The following BDH1 variants were observed in gnomAD, a reference collection of about 807,000 sequenced individuals.
The protein encoded by BDH1 is D-beta-hydroxybutyrate dehydrogenase, mitochondrial.
BDH1 carries 30 observed loss-of-function variants against 33.1 expected under a neutral mutation model. That is an observed-to-expected ratio of 0.91 (90% CI 0.68 to 1.23). The LOEUF (loss-of-function observed/expected upper bound fraction) is 1.23. Among genes scored for constraint, BDH1 ranks in the 50% most tolerant of loss-of-function variants. The pLI, the probability that BDH1 is intolerant of heterozygous loss-of-function variation, is 0.00. For synonymous variants in BDH1, 190 were observed against 183.6 expected (o/e 1.03, Z -0.28); for missense variants, 443 against 464.4 (o/e 0.95, Z 0.42).
Position 197,554,949 on chromosome 3 carries a change from C to T in BDH1, c.-195-236G>A, listed in dbSNP as rs1212463246. Among the ~76,000 whole-genome samples, 1 of 152,256 alleles carries T rather than the reference C, an allele frequency of 6.6e-6. No homozygotes were observed. The stretch of plus-strand genomic sequence containing the variant: ...GCGCAGCCAATCCCAGAGCAGCGCT[C>T]CCCAACGGCCGGCCGGAGGGCGGGG... On this transcript the variant is annotated intron_variant, in intron 1 of 7. Transcript: ENST00000392379. The surrounding 1 kb of genome is among the most constrained non-coding windows in gnomAD (Gnocchi z 4.4).
Position 197,514,469 on chromosome 3 carries a change from T to C in BDH1, c.410-53A>G. ...TTACCACATGGGCTTGGCCCAGACATTGCCCATCAGCCTGCAGGCCAGCCT... is the reference window on the plus strand; with the variant it reads ...TTACCACATGGGCTTGGCCCAGACACTGCCCATCAGCCTGCAGGCCAGCCT... On this transcript the variant is annotated intron_variant, in intron 6 of 7. Transcript: ENST00000392379. This position sits in a 1 kb window ranked among gnomAD's most constrained non-coding sequence, Gnocchi z 4.2. The C allele has an allele frequency of 1.3e-6, 2 of 1,497,398 alleles. No individual in the cohort carries two copies. The highest frequency in any genetic ancestry group is 1.8e-6 in the Non-Finnish European group (2 of 1,116,526). The allele number at this position is 1,497,398 out of a possible 1,614,324, so 92.8% of individuals were successfully genotyped here.
In BDH1 at chr3:197,526,813, C is replaced by T. The variant is rs1048507543; in HGVS notation, c.268-4032G>A. 6.6e-6 allele frequency among the ~76,000 whole-genome samples: 1 copy of T among 152,226 alleles called. No individual in the cohort carries two copies. The highest frequency in any genetic ancestry group is 1.5e-5 in the Non-Finnish European group (1 of 68,034). ...GGGCCTTTAGACTTCTTCTGGTGGA[C>T]ATTAGCATCACACTCTGTGGCCTCC... On this transcript the variant is annotated intron_variant, in intron 5 of 7. Coordinates refer to ENST00000392379, the MANE Select transcript of BDH1 (RefSeq NM_203314.3). This position sits in a 1 kb window ranked among gnomAD's most constrained non-coding sequence, Gnocchi z 4.7.
intron 3 of BDH1, chr3:197,543,235 C>T (rs764394427): frequency 3.6e-5 from 34 of 956,150 alleles, no homozygotes; most frequent in Middle Eastern, 5.3e-4. Flanking sequence ...TATGGCCTCA[C>T]GGCAGCATCT....
At chr3:197,542,004 C>T (rs1200381248) in intron 3 of BDH1, among the ~76,000 whole-genome samples, 1 of 152,218 alleles carries the variant, frequency 6.6e-6, no homozygotes, top group African/African-American at 2.4e-5. Context: ...GTGCGCCCAA[C>T]GCTTTCCAGA....
Position 197,543,150 on chromosome 3 carries a change from T to G in BDH1, c.83+3211A>C, listed in dbSNP as rs1249729898. Reference sequence around the variant, plus strand: ...CCCAGCTTTCTGCTGAGAGGAGCCATGAGTCCATTTGAATCTAACAAGACG... The same window carrying G: ...CCCAGCTTTCTGCTGAGAGGAGCCAGGAGTCCATTTGAATCTAACAAGACG... On this transcript the variant is annotated intron_variant, in intron 3 of 7. Transcript: ENST00000392379. The G allele has an allele frequency of 6.1e-6, 6 of 985,292 alleles. No homozygotes were observed. In the Admixed American group the frequency reaches 2.5e-4, roughly 40 times the overall value. The allele number at this position is 985,292 out of a possible 1,614,324, so 61.0% of individuals were successfully genotyped here.
intron 1 of BDH1, among the ~76,000 whole-genome samples, chr3:197,569,719 T>C (rs1717547216): frequency 1.3e-5 from 2 of 152,230 alleles, no homozygotes; most frequent in South Asian, 4.1e-4. Context: ...TTTTGCCTTC[T>C]GCCATGATTG....
At chr3:197,571,851 C>T (rs1195681190) in intron 1 of BDH1, among the ~76,000 whole-genome samples, 3 of 152,144 alleles carry the variant, frequency 2.0e-5, no homozygotes, top group African/African-American at 7.2e-5. Flanking sequence ...TCACTTGACC[C>T]TAGGAGTTCA....
chr3:197,544,864 T>C (rs185090018), intron 3 of BDH1, among the ~76,000 whole-genome samples: 3 of 152,328 alleles, frequency 2.0e-5, no homozygotes, highest in Admixed American at 2.0e-4. Flanking sequence ...CTGGCCAACA[T>C]GGCAAAACCC....
In BDH1 at chr3:197,538,290, T is replaced by C. The variant is rs111725286; in HGVS notation, c.84-4729A>G. ...GCAGGTGGTAACAGGGGAAAAGAGA[T>C]GGGAGATAGACTTACCTTTTCTGTA... On this transcript the variant is annotated intron_variant, in intron 3 of 7. Transcript: ENST00000392379. 4.6e-3 allele frequency: 2,101 copies of C among 456,738 alleles called. 44 individuals carry two copies. Among genetic ancestry groups the C allele is most frequent in the African/African-American group, 0.038 (1,923 of 50,164 alleles). 28.3% of individuals were successfully genotyped at this position (456,738 alleles called of 1,614,324 possible).
intron 1 of BDH1, among the ~76,000 whole-genome samples, chr3:197,566,108 G>C (rs1004411911): frequency 1.3e-5 from 2 of 152,174 alleles, no homozygotes; most frequent in African/African-American, 4.8e-5. Context: ...ATTTGTTTCT[G>C]TCAACCTGAT....
Position 197,523,001 on chromosome 3 carries a change from A to C in BDH1, c.268-220T>G. ...GCTATGTGCCACAGACACAACCATG[A>C]ATAGGATGAAGAGCCGGCCCCCAAG... is the stretch of plus-strand genomic sequence containing the variant. On this transcript the variant is annotated intron_variant, in intron 5 of 7. Transcript: ENST00000392379. This position sits in a 1 kb window ranked among gnomAD's most constrained non-coding sequence, Gnocchi z 4.5. 3.8e-6 allele frequency: 2 copies of C among 532,562 alleles called. No homozygotes were observed. Among genetic ancestry groups the C allele is most frequent in the South Asian group, 6.2e-5 (2 of 32,180 alleles). 33.0% of individuals were successfully genotyped at this position (532,562 alleles called of 1,614,324 possible). A position where few individuals can be genotyped will look rare whatever the true frequency, so the allele number is the denominator to read the frequency against.
intron 7 of BDH1, 84 bp from the exon 8 acceptor site, chr3:197,512,448 T>C: frequency 7.0e-7 from 1 of 1,428,144 alleles, no homozygotes; most frequent in East Asian, 2.4e-5. Context: ...TCTAGAGGCT[T>C]GGCTGGAACC....
At position 197,511,908 on chromosome 3, in the gene BDH1, A is replaced by G. The variant is rs748690102; in HGVS notation, c.1019T>C (p.Ile340Thr). The part of the protein sequence containing the change: ...THLPGAISDM[I>T]YIR Reference sequence around the variant, plus strand: ...CAGCGAGACTCTTCAGCGGATGTAGATCATGTCGGAGATGGCTCCAGGCAA... The same window carrying G: ...CAGCGAGACTCTTCAGCGGATGTAGGTCATGTCGGAGATGGCTCCAGGCAA... The change falls in exon 8 of 8, where the codon ATC becomes ACC. Residue 340 changes from isoleucine (I) to threonine (T), a missense_variant. Physicochemically the swap from Ile to Thr is moderately conservative, Grantham distance 89. Transcript: ENST00000392379. The G allele has an allele frequency of 1.9e-6, 3 of 1,562,446 alleles. No individual in the cohort carries two copies. The highest frequency in any genetic ancestry group is 2.6e-6 in the Non-Finnish European group (3 of 1,151,240).
rs746452668 is a variant in BDH1, at chr3:197,514,192, A to G, written c.562+72T>C. On this transcript the variant is annotated intron_variant, in intron 7 of 7. Transcript: ENST00000392379. This position sits in a 1 kb window ranked among gnomAD's most constrained non-coding sequence, Gnocchi z 4.2. ...GGACATTGGAGCTGCTGGGACAGGTATTTCCATTCTGAGCAAAGATGAACA... is the reference window on the plus strand; with the variant it reads ...GGACATTGGAGCTGCTGGGACAGGTGTTTCCATTCTGAGCAAAGATGAACA... The G allele has an allele frequency of 6.5e-7, 1 of 1,533,680 alleles. No homozygotes were observed. The highest frequency in any genetic ancestry group is 1.3e-5 in the South Asian group (1 of 79,278).
At chr3:197,543,698 C>G (rs570822606) in intron 3 of BDH1, among the ~76,000 whole-genome samples, 253 of 152,286 alleles carry the variant, frequency 1.7e-3, no homozygotes, top group Admixed American at 3.0e-3. Flanking sequence ...TTTGTTCAGG[C>G]ACCACACCTT....
chr3:197,519,476 C>A (rs1470781336), intron 6 of BDH1, among the ~76,000 whole-genome samples: 1 of 151,412 alleles, frequency 6.6e-6, no homozygotes, highest in Non-Finnish European at 1.5e-5. Context: ...GCCTGGCCAA[C>A]CTTGTGAAAC....
intron 4 of BDH1, 123 bp from the exon 5 acceptor site, chr3:197,532,645 T>A (rs1180093122): frequency 4.5e-6 from 3 of 668,904 alleles, no homozygotes; most frequent in Non-Finnish European, 7.9e-6. Flanking sequence ...TGGCCCTCCC[T>A]ACCTTGTTCT....
chr3:197,535,442 G>T (rs1715068294), intron 3 of BDH1, among the ~76,000 whole-genome samples: 1 of 152,150 alleles, frequency 6.6e-6, no homozygotes, highest in Non-Finnish European at 1.5e-5. Context: ...GGAAACCAGG[G>T]GTTGTAACCC....
chr3:197,532,508 A>T lies in BDH1; in HGVS notation c.171T>A (p.Ala57=). Residue 57 remains alanine (A), a synonymous_variant, in exon 5 of 8, where the codon GCT becomes GCA. Transcript: ENST00000392379. ...ASAAEPVGSK[A]VLVTGCDSGF... ...CAGAGTCACAGCCTGTGACCAGGAC[A>T]GCTTTGCTGCCAACCTGTTTTACAA... 1 of 1,614,124 alleles carries T rather than the reference A, an allele frequency of 6.2e-7. No homozygotes were observed. Among genetic ancestry groups the T allele is most frequent in the Non-Finnish European group, 8.5e-7 (1 of 1,179,946 alleles).
Sources: gnomAD v4.1 joint callset for allele counts (sites outside exome capture counted in the v4.1 genomes callset) on GRCh38, gnomAD v4.1.1 for gene constraint, Gnocchi (gnomAD v3.1) non-coding constraint, MANE v1.5 for transcripts, NCBI Gene and HGNC (gene_info 2026-07-23, HGNC 2026-07-21) for gene names.